The following CCDC88C variants were observed in gnomAD, a reference collection of about 807,000 sequenced individuals.
CCDC88C encodes coiled-coil and HOOK domain protein 88C.
In CCDC88C, 131 loss-of-function variants were observed where a neutral mutation model predicts 198.8. That is an observed-to-expected ratio of 0.66 (90% CI 0.57 to 0.76). The LOEUF (loss-of-function observed/expected upper bound fraction) is 0.76. CCDC88C is among the 30% of genes least tolerant of loss of function. The pLI is 0.00. For synonymous variants in CCDC88C, 1,166 were observed against 1,114.7 expected (o/e 1.05, Z -0.92); for missense variants, 2,553 against 2,631.6 (o/e 0.97, Z 0.65).
intron 3 of CCDC88C, among the ~76,000 whole-genome samples, chr14:91,400,230 C>T (rs1280356116): frequency 2.6e-5 from 4 of 152,218 alleles, no homozygotes; most frequent in East Asian, 3.9e-4. Context: ...GGTAACCTGT[C>T]AAGTCCCACC....
At chr14:91,408,974 G>A (rs904732275) in intron 2 of CCDC88C, among the ~76,000 whole-genome samples, 1 of 151,980 alleles carries the variant, frequency 6.6e-6, no homozygotes, top group African/African-American at 2.4e-5. Flanking sequence ...TCCCTGACCC[G>A]AGCACCTGGC....
Position 91,309,905 on chromosome 14 carries a change from G to A in CCDC88C, c.2818C>T (p.Leu940Phe), listed in dbSNP as rs774667310. The change falls in exon 16 of 30, where the codon CTC becomes TTC. Residue 940 changes from leucine (L) to phenylalanine (F), a missense_variant. Physicochemically the swap from Leu to Phe is conservative, Grantham distance 22. Coordinates refer to ENST00000389857, the MANE Select transcript of CCDC88C (RefSeq NM_001080414.4). ...TCCTGCAACAGCAGCTCCCTGTTGA[G>A]GCCGACCTTCTCCAGTTCCTGGCTC... ...KLSQELEKVG[L>F]NRELLLQEDD... The A allele has an allele frequency of 7.6e-5, 122 of 1,611,478 alleles. No homozygotes were observed. Among genetic ancestry groups the A allele is most frequent in the Non-Finnish European group, 1.6e-5 (19 of 1,178,900 alleles).
Position 91,324,722 on chromosome 14 carries a change from C to T in CCDC88C, c.1342+57G>A. On this transcript the variant is annotated intron_variant, in intron 12 of 29. Coordinates refer to ENST00000389857, the MANE Select transcript of CCDC88C (RefSeq NM_001080414.4). ...AGATTCAGAGCCCAGGACTCAGCTC[C>T]CTGGAGGCAGCGGCGGCCACGGCCA... The T allele has an allele frequency of 2.5e-6, 4 of 1,597,172 alleles. No individual in the cohort carries two copies. In the South Asian group the frequency reaches 4.4e-5, roughly 18 times the overall value.
rs945359824 is a variant in CCDC88C, at chr14:91,352,538, G to A, written c.340+7104C>T. 1.3e-5 allele frequency among the ~76,000 whole-genome samples: 2 copies of A among 152,196 alleles called. No individual in the cohort carries two copies. Among genetic ancestry groups the A allele is most frequent in the African/African-American group, 4.8e-5 (2 of 41,426 alleles). On this transcript the variant is annotated intron_variant, in intron 4 of 29. Transcript: ENST00000389857. This position sits in a 1 kb window ranked among gnomAD's most constrained non-coding sequence, Gnocchi z 4.2. Reference sequence around the variant, plus strand: ...AACCTTCTCTCTCAAGGATGAAAGAGGAAATTTTAGAACAATCAAAATGCC... The same window carrying A: ...AACCTTCTCTCTCAAGGATGAAAGAAGAAATTTTAGAACAATCAAAATGCC...
chr14:91,414,928 G>A (rs1040187237), intron 2 of CCDC88C, among the ~76,000 whole-genome samples: 2 of 152,152 alleles, frequency 1.3e-5, no homozygotes, highest in African/African-American at 2.4e-5. Context: ...ATGAGCTGGC[G>A]TTTCTCAAAG....
At chr14:91,283,763 C>T (rs1216853957) in intron 25 of CCDC88C, 4 of 551,630 alleles carry the variant, frequency 7.3e-6, no homozygotes, top group Admixed American at 3.1e-5. Flanking sequence ...TGGGGTCATA[C>T]TGCCAGCCCT....
chr14:91,338,450 G>A lies in CCDC88C; in HGVS notation c.891+39C>T, dbSNP rs1037772378. ...CCCCGTTACTGGACACTCCAGCCCT[G>A]CTACCCCCAGGACACACAGGCTCAG... On this transcript the variant is annotated intron_variant, in intron 9 of 29. Transcript: ENST00000389857. This position sits in a 1 kb window ranked among gnomAD's most constrained non-coding sequence, Gnocchi z 4.8. 11 of 1,524,718 alleles carry A rather than the reference G, an allele frequency of 7.2e-6. No homozygotes were observed. Among genetic ancestry groups the A allele is most frequent in the Non-Finnish European group, 9.8e-6 (11 of 1,122,600 alleles). The allele number at this position is 1,524,718 out of a possible 1,614,324, so 94.4% of individuals were successfully genotyped here. A position where few individuals can be genotyped will look rare whatever the true frequency, so the allele number is the denominator to read the frequency against.
chr14:91,295,031 C>T (rs1020332689), intron 22 of CCDC88C, among the ~76,000 whole-genome samples: 1 of 152,044 alleles, frequency 6.6e-6, no homozygotes, highest in Admixed American at 6.6e-5. Context: ...GATTCCAATA[C>T]GCGACTATGA....
intron 17 of CCDC88C, among the ~76,000 whole-genome samples, chr14:91,308,032 ACT>A (rs1459546142): frequency 6.6e-6 from 1 of 152,088 alleles, no homozygotes; most frequent in Non-Finnish European, 1.5e-5. Flanking sequence ...CACCCGTGAG[ACT>A]CTGCAGGCCG....
At chr14:91,337,220 TC>T (rs1893086965) in intron 10 of CCDC88C, among the ~76,000 whole-genome samples, 1 of 152,230 alleles carries the variant, frequency 6.6e-6, no homozygotes, top group African/African-American at 2.4e-5. Flanking sequence ...CCTACATTTT[TC>T]CCAGAACCTT....
chr14:91,278,320 T>A, intron 28 of CCDC88C, 109 bp from the exon 29 acceptor site: 5 of 1,096,178 alleles, frequency 4.6e-6, no homozygotes, highest in Non-Finnish European at 6.2e-6. Flanking sequence ...CAGAATAAAA[T>A]CCCTTGCCCG....
intron 17 of CCDC88C, 116 bp from the exon 18 acceptor site, chr14:91,307,342 G>C: frequency 1.2e-6 from 1 of 863,064 alleles, no homozygotes; most frequent in Admixed American, 2.0e-5. Context: ...ATACTCGCCC[G>C]CCCTGGTCTG....
rs143215850 is a variant in CCDC88C at position 91,384,485 on chromosome 14, C to T, written c.270+24174G>A. On this transcript the variant is annotated intron_variant, in intron 3 of 29. Coordinates refer to ENST00000389857, the MANE Select transcript of CCDC88C (RefSeq NM_001080414.4). ...GGGTCATAGTCTGGATCATTTTCCT[C>T]ATCTCCTCCTTCTTCCCCTTCCTCA... 1.9e-3 allele frequency: 999 copies of T among 525,140 alleles called. 1 individual carries two copies. The highest frequency in any genetic ancestry group is 2.8e-3 in the Non-Finnish European group (737 of 259,224). The allele number at this position is 525,140 out of a possible 1,614,324, so 32.5% of individuals were successfully genotyped here.
rs115679971 is a variant in CCDC88C, at chr14:91,280,898, C to T, written c.4699+559G>A. The stretch of plus-strand genomic sequence containing the variant: ...GAGCCTTTCACAAGTAAACTGAAAT[C>T]GATGTAAACTTCAAGGGGTCTTTTT... On this transcript the variant is annotated intron_variant, in intron 27 of 29. Transcript: ENST00000389857. Among the ~76,000 whole-genome samples, 829 of 152,246 alleles carry T rather than the reference C, an allele frequency of 5.4e-3. 5 individuals carry two copies. Among genetic ancestry groups the T allele is most frequent in the African/African-American group, 0.019 (796 of 41,538 alleles).
chr14:91,286,966 G>A (rs747484210), intron 25 of CCDC88C, among the ~76,000 whole-genome samples: 1 of 152,222 alleles, frequency 6.6e-6, no homozygotes, highest in Non-Finnish European at 1.5e-5. Context: ...TAGTTAGAGG[G>A]TGCTGGGCCC....
At chr14:91,287,399 G>A (rs914256510) in intron 25 of CCDC88C, among the ~76,000 whole-genome samples, 1 of 152,188 alleles carries the variant, frequency 6.6e-6, no homozygotes, top group Non-Finnish European at 1.5e-5. Flanking sequence ...CACCCAGGCT[G>A]GAGTACAGTG....
Position 91,313,564 on chromosome 14 carries a change from C to A in CCDC88C, c.2252G>T (p.Gly751Val). 1 of 1,611,566 alleles carries A rather than the reference C, an allele frequency of 6.2e-7. No homozygotes were observed. Residue 751 changes from glycine to valine, a missense_variant, in exon 15 of 30, where the codon GGC (glycine) becomes GTC (valine). Gly to Val is a moderately radical substitution (Grantham distance 109). Transcript: ENST00000389857. The surrounding 1 kb of genome is among the most constrained non-coding windows in gnomAD (Gnocchi z 5.2). ...RKNVDLLKAL[G>V]KKSERLELSY... ...GAGCTCCAGGCGCTCTGACTTCTTG[C>A]CCAGCGCCTTGAGCAGATCCACGTT... is the stretch of plus-strand genomic sequence containing the variant.
In CCDC88C at chr14:91,278,091, C is replaced by A. The variant is rs115510695; in HGVS notation, c.4889G>T (p.Arg1630Leu). Reference protein sequence around the residue: ...ASTPGRNALGRHEYPLPRNGP... With the variant: ...ASTPGRNALGLHEYPLPRNGP... ...GTTCCGAGGCAAGGGGTACTCGTGG[C>A]GGCCGAGGGCGTTGCGTCCCGGTGT... Residue 1630 changes from arginine (R) to leucine (L), a missense_variant, in exon 29 of 30, where the codon CGC becomes CTC. By Grantham distance (102) the Arg-to-Leu change is moderately radical (BLOSUM62 -2). This residue lies in a region of CCDC88C where 1,293 missense variants were observed against 1,219.6 expected (regional missense o/e 1.06). Coordinates refer to ENST00000389857, the MANE Select transcript of CCDC88C (RefSeq NM_001080414.4). The A allele has an allele frequency of 9.3e-6, 15 of 1,612,202 alleles. No homozygotes were observed. Among genetic ancestry groups the A allele is most frequent in the Admixed American group, 8.4e-5 (5 of 59,836 alleles).
chr14:91,285,945 G>C (rs1296960154), intron 25 of CCDC88C: 1 of 570,688 alleles, frequency 1.8e-6, no homozygotes, highest in African/African-American at 2.0e-5. Context: ...ATGTACTTAA[G>C]AAATCAGAAT....
Sources: gnomAD v4.1 joint callset for allele counts (sites outside exome capture counted in the v4.1 genomes callset) on GRCh38, gnomAD v4.1.1 for gene constraint, gnomAD v4.1.1 regional missense constraint, Gnocchi (gnomAD v3.1) non-coding constraint, MANE v1.5 for transcripts, NCBI Gene and HGNC (gene_info 2026-07-23, HGNC 2026-07-21) for gene names.